CC2D2B: variants seen among roughly 807,000 people sequenced by gnomAD.
CC2D2B encodes the protein coiled-coil and C2 domain containing 2B, also known as protein CC2D2B.
A neutral mutation model predicts 161.2 loss-of-function variants in CC2D2B; 128 were observed. The observed-to-expected ratio is 0.79, with a 90% CI of 0.69 to 0.92. The LOEUF is 0.92. Ranked by LOEUF, CC2D2B falls within the 40% of genes least tolerant of loss-of-function variation. The probability of loss-of-function intolerance (pLI) is 0.00; values close to 1 mark genes in which losing one functional copy is unlikely to be tolerated. For synonymous variants in CC2D2B, 391 were observed against 449.8 expected (o/e 0.87, Z 1.65); for missense variants, 1,173 against 1,375.1 (o/e 0.85, Z 2.32).
chr10:95,993,938 GTGTGTATGTA>G lies in CC2D2B; in HGVS notation c.2642+1249_2642+1258del, dbSNP rs1283039254. Among the ~76,000 whole-genome samples, 220 of 38,234 alleles carry G rather than the reference GTGTGTATGTA, an allele frequency of 5.8e-3. 8 individuals are homozygous for G. The highest frequency in any genetic ancestry group is 0.022 in the African/African-American group (119 of 5,432). 25.1% of individuals were successfully genotyped at this position (38,234 alleles called of 152,430 possible). A position where few individuals can be genotyped will look rare whatever the true frequency, so the allele number is the denominator to read the frequency against. ...TGTGTGTGTGTGTGTGTGTGTGTGT[GTGTGTATGTA>G]TGTGTATATATATATATATATATAT... On this transcript the variant is annotated intron_variant, in intron 22 of 34. Transcript: ENST00000646931.
intron 34 of CC2D2B, among the ~76,000 whole-genome samples, chr10:96,031,272 G>A (rs185058279): frequency 3.6e-4 from 55 of 152,312 alleles, no homozygotes; most frequent in African/African-American, 1.1e-3. Flanking sequence ...AACTACATGG[G>A]AAGAGCGTGT....
At chr10:95,946,568 T>TA (rs1418100021) in intron 9 of CC2D2B, among the ~76,000 whole-genome samples, 1 of 152,216 alleles carries the variant, frequency 6.6e-6, no homozygotes, top group Non-Finnish European at 1.5e-5. Context: ...ACCAACTTAT[T>TA]ACCAATTGTC....
intron 10 of CC2D2B, among the ~76,000 whole-genome samples, chr10:95,950,912 C>T (rs1421148198): frequency 6.6e-6 from 1 of 151,988 alleles, no homozygotes; most frequent in East Asian, 1.9e-4. Context: ...CTCTACCTCC[C>T]GAGTTCAAGC....
chr10:96,013,845 A>G lies in CC2D2B; in HGVS notation c.3484A>G (p.Asn1162Asp). The G allele has an allele frequency of 4.4e-6, 7 of 1,598,374 alleles. No individual in the cohort carries two copies. The highest frequency in any genetic ancestry group is 5.1e-6 in the Non-Finnish European group (6 of 1,170,960). ...TTTTGTGCCTAATACACCAGATGAAAATGATGGCTCTGATATATGGATGAC... is the reference window on the plus strand; with the variant it reads ...TTTTGTGCCTAATACACCAGATGAAGATGATGGCTCTGATATATGGATGAC... The part of the protein sequence containing the change: ...IPFVPNTPDE[N>D]DGSDIWMTSE... The change falls in exon 29 of 35, where the codon AAT (asparagine) becomes GAT (aspartate). Residue 1162 changes from asparagine (N) to aspartate (D), a missense_variant. Physicochemically the swap from Asn to Asp is conservative, Grantham distance 23 (BLOSUM62 1). Coordinates refer to ENST00000646931, the MANE Select transcript of CC2D2B (RefSeq NM_001349008.3).
At chr10:96,027,119 G>A (rs1474074031) in intron 33 of CC2D2B, 93 bp from the exon 34 acceptor site, 23 of 917,044 alleles carry the variant, frequency 2.5e-5, no homozygotes, top group Admixed American at 2.1e-4. Flanking sequence ...GCGAGACTTC[G>A]TCTCAAAAAA....
chr10:96,025,136 T>A (rs1479967377), intron 33 of CC2D2B, among the ~76,000 whole-genome samples: 2 of 109,806 alleles, frequency 1.8e-5, no homozygotes, highest in Non-Finnish European at 3.4e-5. Flanking sequence ...TAGGGAGACG[T>A]CATCTCTACT....
intron 2 of CC2D2B, among the ~76,000 whole-genome samples, chr10:95,915,495 C>A (rs930447143): frequency 6.6e-6 from 1 of 152,138 alleles, no homozygotes; most frequent in Non-Finnish European, 1.5e-5. Flanking sequence ...TCTTAGAGGA[C>A]AGGCTTTCAG....
intron 6 of CC2D2B, among the ~76,000 whole-genome samples, chr10:95,927,786 A>T (rs1449613179): frequency 6.8e-6 from 1 of 147,018 alleles, no homozygotes; most frequent in Non-Finnish European, 1.5e-5. Flanking sequence ...TGGTCTCCTC[A>T]TTCTTCATTC....
At chr10:96,001,723 T>G (rs1455595772) in intron 24 of CC2D2B, among the ~76,000 whole-genome samples, 1 of 152,226 alleles carries the variant, frequency 6.6e-6, no homozygotes, top group Non-Finnish European at 1.5e-5. Flanking sequence ...CTATGGAACT[T>G]CTGCTATTAG....
At chr10:95,934,952 C>T (rs1281078674) in intron 6 of CC2D2B, among the ~76,000 whole-genome samples, 1 of 152,112 alleles carries the variant, frequency 6.6e-6, no homozygotes, top group African/African-American at 2.4e-5. Context: ...CTCACTGCAA[C>T]CTCTGTCTCC....
chr10:95,941,735 A>T (rs1208548833), intron 9 of CC2D2B, among the ~76,000 whole-genome samples: 1 of 152,180 alleles, frequency 6.6e-6, no homozygotes. Context: ...ACCCTTGTAC[A>T]CTGTTGGTGG....
chr10:96,029,123 T>C (rs1013491165), intron 34 of CC2D2B, among the ~76,000 whole-genome samples: 2 of 151,084 alleles, frequency 1.3e-5, no homozygotes, highest in Admixed American at 6.6e-5. Context: ...AAGTGTATAA[T>C]TGAATTGTTT....
At chr10:96,019,597 C>A in intron 31 of CC2D2B, 105 bp from the exon 32 acceptor site, 1 of 1,136,692 alleles carries the variant, frequency 8.8e-7, no homozygotes, top group Non-Finnish European at 1.2e-6. Context: ...TGGGATTCTG[C>A]CACTTCATTG....
chr10:96,001,686 C>T (rs532602110), intron 24 of CC2D2B, among the ~76,000 whole-genome samples: 2 of 152,294 alleles, frequency 1.3e-5, no homozygotes, highest in East Asian at 3.9e-4. Flanking sequence ...TAAGGAAGCA[C>T]ACCTTAGAAT....
intron 34 of CC2D2B, among the ~76,000 whole-genome samples, chr10:96,029,241 C>CATATATATATATATATATATATAT (rs56195141): frequency 1.6e-4 from 11 of 67,168 alleles, no homozygotes; most frequent in East Asian, 6.0e-4. Flanking sequence ...TTTCATGTAC[C>CATATATATATATATATATATATAT]ATATATATAT....
intron 2 of CC2D2B, chr10:95,919,023 G>T (rs895884314): frequency 1.3e-5 from 2 of 151,812 alleles, no homozygotes; most frequent in African/African-American, 4.8e-5. Context: ...TTCTTTCTCT[G>T]TCTTACCTTG....
At chr10:95,925,796 A>G (rs189305329) in intron 5 of CC2D2B, among the ~76,000 whole-genome samples, 2 of 152,202 alleles carry the variant, frequency 1.3e-5, no homozygotes, top group East Asian at 3.8e-4. Context: ...ATTTGCTAGC[A>G]AAAGGGAAGT....
chr10:95,978,686 T>C (rs1289586759), intron 17 of CC2D2B, among the ~76,000 whole-genome samples: 4 of 152,240 alleles, frequency 2.6e-5, no homozygotes, highest in Non-Finnish European at 1.5e-5. Context: ...CTCAGCCTAT[T>C]AGCCACATCT....
intron 24 of CC2D2B, among the ~76,000 whole-genome samples, chr10:95,997,431 C>G (rs1310018366): frequency 2.0e-5 from 3 of 152,176 alleles, no homozygotes; most frequent in African/African-American, 7.2e-5. Flanking sequence ...CACTCTGTTG[C>G]CCAGGCTGAA....
Sources: gnomAD v4.1 joint callset for allele counts (sites outside exome capture counted in the v4.1 genomes callset) on GRCh38, gnomAD v4.1.1 for gene constraint, MANE v1.5 for transcripts, NCBI Gene and HGNC (gene_info 2026-07-23, HGNC 2026-07-21) for gene names.